Variants in MNAT1 observed in about 807,000 individuals in gnomAD.
The protein encoded by MNAT1 is CDK-activating kinase assembly factor MAT1.
Under a neutral mutation model 42.0 loss-of-function variants are expected in MNAT1, and 43 were observed. That is an observed-to-expected ratio of 1.02 (90% CI 0.80 to 1.32). The LOEUF (loss-of-function observed/expected upper bound fraction) is 1.32. MNAT1 is among the 40% of genes most tolerant of loss of function. The pLI is 0.00. For synonymous variants in MNAT1, 118 were observed against 120.0 expected, an observed-to-expected ratio of 0.98 and a Z score of 0.11; for missense variants, 306 against 350.4, an observed-to-expected ratio of 0.87 and a Z score of 1.01.
In MNAT1 at chr14:60,798,064, ATTTCTTT is replaced by A; in HGVS notation, c.243-14_243-8del. ...AAAAGCAATGATATGTAATATGTAG[ATTTCTTT>A]TTTCTTTTCTTAAAGATACAATAAA... is the stretch of plus-strand genomic sequence containing the variant. On this transcript the variant is annotated splice_polypyrimidine_tract_variant and intron_variant, in intron 2 of 7. Transcript: ENST00000261245. 8.6e-7 allele frequency: 1 copy of A among 1,164,068 alleles called. No individual in the cohort carries two copies. Among genetic ancestry groups the A allele is most frequent in the Non-Finnish European group, 1.3e-6 (1 of 782,748 alleles). The allele number at this position is 1,164,068 out of a possible 1,614,324, so 72.1% of individuals were successfully genotyped here. A position where few individuals can be genotyped will look rare whatever the true frequency, so the allele number is the denominator to read the frequency against.
At chr14:60,738,979 G>A (rs1029461982) in intron 1 of MNAT1, among the ~76,000 whole-genome samples, 1 of 152,090 alleles carries the variant, frequency 6.6e-6, no homozygotes, top group African/African-American at 2.4e-5. Flanking sequence ...ATTCTGGCTC[G>A]GTCTTAGGAT....
rs985933054 is a variant in MNAT1, at chr14:60,865,612, G to A, written c.688-14102G>A. On this transcript the variant is annotated intron_variant, in intron 6 of 7. Coordinates refer to ENST00000261245, the MANE Select transcript of MNAT1 (RefSeq NM_002431.4). ...CCTCTTGGCAACAAATGGTAGTTTG[G>A]TAATAAGACAAGCATCAGAGAAATA... Among the ~76,000 whole-genome samples the A allele has an allele frequency of 1.5e-4, 23 of 151,916 alleles. 1 individual carries two copies. Among genetic ancestry groups the A allele is most frequent in the Admixed American group, 3.9e-4 (6 of 15,210 alleles).
At chr14:60,914,552 A>G (rs2035469836) in intron 7 of MNAT1, among the ~76,000 whole-genome samples, 1 of 9,132 alleles carries the variant, frequency 1.1e-4, no homozygotes, top group Non-Finnish European at 2.8e-4. Flanking sequence ...AGGCACAGAT[A>G]TGGTAAAAAA....
intron 1 of MNAT1, among the ~76,000 whole-genome samples, chr14:60,783,519 A>G (rs527867659): frequency 7.9e-5 from 12 of 152,230 alleles, no homozygotes; most frequent in Non-Finnish European, 1.6e-4. Flanking sequence ...TATTATTACC[A>G]GCAAAGCTGT....
intron 7 of MNAT1, among the ~76,000 whole-genome samples, chr14:60,956,332 T>C (rs1052805739): frequency 6.6e-6 from 1 of 152,228 alleles, no homozygotes; most frequent in East Asian, 1.9e-4. Context: ...CTGTTACTGA[T>C]TTCTAGTTTC....
intron 6 of MNAT1, among the ~76,000 whole-genome samples, chr14:60,875,414 C>A (rs115651267): frequency 0.01 from 1,557 of 152,118 alleles, 33 homozygotes; most frequent in African/African-American, 0.035. Context: ...AAAGCACAGG[C>A]TTTACAATCT....
chr14:60,892,486 CAA>C (rs1295074651), intron 7 of MNAT1, among the ~76,000 whole-genome samples: 2 of 151,902 alleles, frequency 1.3e-5, no homozygotes, highest in Non-Finnish European at 2.9e-5. Flanking sequence ...ATTTTGAATC[CAA>C]AGTTAGTTTC....
At chr14:60,798,003 A>G (rs1594760917) in intron 2 of MNAT1, 84 bp from the exon 3 acceptor site, 1 of 655,076 alleles carries the variant, frequency 1.5e-6, no homozygotes. Context: ...TCATATATGA[A>G]TTAGGTCAGA....
At chr14:60,781,358 A>G (rs1469654453) in intron 1 of MNAT1, among the ~76,000 whole-genome samples, 1 of 152,184 alleles carries the variant, frequency 6.6e-6, no homozygotes, top group Non-Finnish European at 1.5e-5. Flanking sequence ...TGATTTGTAG[A>G]ACCTCTTTAT....
intron 7 of MNAT1, among the ~76,000 whole-genome samples, chr14:60,891,432 T>A (rs2034840995): frequency 6.6e-6 from 1 of 152,112 alleles, no homozygotes; most frequent in Non-Finnish European, 1.5e-5. Flanking sequence ...AGATTGTTGA[T>A]TTAAGACTTT....
chr14:60,906,111 G>A (rs1441901463), intron 7 of MNAT1, among the ~76,000 whole-genome samples: 1 of 152,146 alleles, frequency 6.6e-6, no homozygotes, highest in Non-Finnish European at 1.5e-5. Context: ...ATATCCTTGG[G>A]AGAGTCAGCA....
At chr14:60,894,728 A>T (rs2034916723) in intron 7 of MNAT1, among the ~76,000 whole-genome samples, 1 of 152,070 alleles carries the variant, frequency 6.6e-6, no homozygotes, top group African/African-American at 2.4e-5. Context: ...TAGGGCCTTC[A>T]TCAAGCATTG....
At chr14:60,801,117 A>G (rs965922482) in intron 3 of MNAT1, among the ~76,000 whole-genome samples, 20 of 152,174 alleles carry the variant, frequency 1.3e-4, no homozygotes, top group African/African-American at 4.3e-4. Context: ...ATGACATGTG[A>G]GTTTGATCTT....
intron 1 of MNAT1, among the ~76,000 whole-genome samples, chr14:60,783,313 A>G (rs1026263240): frequency 8.5e-5 from 13 of 152,186 alleles, no homozygotes; most frequent in Non-Finnish European, 1.8e-4. Flanking sequence ...CACTTAAACT[A>G]TGACCTGGAC....
intron 6 of MNAT1, among the ~76,000 whole-genome samples, chr14:60,829,365 C>G (rs2033153151): frequency 6.6e-6 from 1 of 152,084 alleles, no homozygotes; most frequent in African/African-American, 2.4e-5. Flanking sequence ...TCCTATATTT[C>G]TAGGTAACAA....
chr14:60,937,511 G>C (rs1035863918), intron 7 of MNAT1, among the ~76,000 whole-genome samples: 6 of 152,170 alleles, frequency 3.9e-5, no homozygotes, highest in South Asian at 2.1e-4. Context: ...TCTTGTTTTT[G>C]TCAGGTTTGT....
Position 60,878,582 on chromosome 14 carries a change from CATA to C in MNAT1, c.688-1124_688-1122del, listed in dbSNP as rs563701464. Among the ~76,000 whole-genome samples, 14 of 152,204 alleles carry C rather than the reference CATA, an allele frequency of 9.2e-5. No homozygotes were observed. The South Asian group carries it at 2.7e-3, about 29-fold the overall frequency. On this transcript the variant is annotated intron_variant, in intron 6 of 7. Coordinates refer to ENST00000261245, the MANE Select transcript of MNAT1 (RefSeq NM_002431.4). The stretch of plus-strand genomic sequence containing the variant: ...CTGCTAAAGCTTTAGCTAACTTTCT[CATA>C]ATAATAAGCAGATGGTATTGTATTT...
In MNAT1 at chr14:60,734,780, C is replaced by A; in HGVS notation, c.-83C>A. Reference sequence around the variant, plus strand: ...TCTGCCAAGCGCCTGTTGGTAGGAACCTGCTTGGTCGCGTCTGAGGGGGCT... The same window carrying A: ...TCTGCCAAGCGCCTGTTGGTAGGAAACTGCTTGGTCGCGTCTGAGGGGGCT... On this transcript the variant is annotated 5_prime_UTR_variant, in exon 1 of 8. Coordinates refer to ENST00000261245, the MANE Select transcript of MNAT1 (RefSeq NM_002431.4). This position sits in a 1 kb window ranked among gnomAD's most constrained non-coding sequence, Gnocchi z 4.3. The A allele has an allele frequency of 1.5e-6, 2 of 1,310,242 alleles. No homozygotes were observed. Among genetic ancestry groups the A allele is most frequent in the Non-Finnish European group, 2.2e-6 (2 of 911,570 alleles). 81.2% of individuals were successfully genotyped at this position (1,310,242 alleles called of 1,614,324 possible). A position where few individuals can be genotyped will look rare whatever the true frequency, so the allele number is the denominator to read the frequency against.
In MNAT1 at chr14:60,968,606, A is replaced by G. The variant is rs1200169260; in HGVS notation, c.*257A>G. The G allele has an allele frequency of 5.0e-6, 5 of 994,762 alleles. No individual in the cohort carries two copies. The South Asian group carries it at 6.9e-5, about 14-fold the overall frequency. The allele number at this position is 994,762 out of a possible 1,614,324, so 61.6% of individuals were successfully genotyped here. On this transcript the variant is annotated 3_prime_UTR_variant, in exon 8 of 8. Transcript: ENST00000261245. ...ATCTGATGGAAGAGAGGAATAAATA[A>G]TTCACCTATATGTGTTTGAGGTTGT...
Sources: allele counts gnomAD v4.1 joint callset (sites outside exome capture counted in the v4.1 genomes callset), GRCh38; gene constraint gnomAD v4.1.1; non-coding constraint Gnocchi (gnomAD v3.1); transcripts MANE v1.5; gene names NCBI Gene and HGNC (gene_info 2026-07-23, HGNC 2026-07-21).